The following ASAP3 variants were observed in gnomAD, a reference collection of about 807,000 sequenced individuals.
ASAP3 encodes the protein arf-GAP with SH3 domain, ANK repeat and PH domain-containing protein 3.
ASAP3 carries 85 observed loss-of-function variants against 118.2 expected under a neutral mutation model. The ratio of observed to expected loss-of-function variants is 0.72; its 90% CI spans 0.60 to 0.86. The LOEUF (loss-of-function observed/expected upper bound fraction) is 0.86. Among genes scored for constraint, ASAP3 ranks in the 40% least tolerant of loss-of-function variants. The pLI, the probability that ASAP3 is intolerant of heterozygous loss-of-function variation, is 0.00. For synonymous variants in ASAP3, 432 were observed against 477.4 expected, an observed-to-expected ratio of 0.90 and a Z score of 1.24; for missense variants, 1,026 against 1,175.0, an observed-to-expected ratio of 0.87 and a Z score of 1.85.
intron 5 of ASAP3, among the ~76,000 whole-genome samples, chr1:23,447,170 G>C (rs894720565): frequency 1.3e-5 from 2 of 152,204 alleles, no homozygotes; most frequent in Non-Finnish European, 2.9e-5. Context: ...ACCTGTACCA[G>C]TCCATGGCCC....
intron 5 of ASAP3, among the ~76,000 whole-genome samples, chr1:23,446,520 C>T (rs1641052662): frequency 6.6e-6 from 1 of 151,544 alleles, no homozygotes; most frequent in African/African-American, 2.4e-5. Flanking sequence ...TCACTGCAAC[C>T]TCTGCCTCCC....
chr1:23,453,018 C>T lies in ASAP3; in HGVS notation c.349-247G>A, dbSNP rs1446956969. ...TGCTTAGGATGGCTGACCTGCTGCCCGCCAGGCTTCCTGTGTGAAAGGGGG... is the reference window on the plus strand; with the variant it reads ...TGCTTAGGATGGCTGACCTGCTGCCTGCCAGGCTTCCTGTGTGAAAGGGGG... On this transcript the variant is annotated intron_variant, in intron 3 of 24. Transcript: ENST00000336689. 2.6e-5 allele frequency among the ~76,000 whole-genome samples: 4 copies of T among 152,134 alleles called. No individual in the cohort carries two copies. The East Asian group carries it at 7.8e-4, about 30-fold the overall frequency.
At chr1:23,461,615 C>T (rs528878712) in intron 1 of ASAP3, among the ~76,000 whole-genome samples, 22 of 151,396 alleles carry the variant, frequency 1.5e-4, no homozygotes, top group East Asian at 3.9e-4. Flanking sequence ...GAGCTGTGAT[C>T]GTGCCACTGC....
At chr1:23,447,046 T>C (rs1437763537) in intron 5 of ASAP3, among the ~76,000 whole-genome samples, 1 of 152,212 alleles carries the variant, frequency 6.6e-6, no homozygotes, top group Admixed American at 6.5e-5. Context: ...TTCGTGCTTC[T>C]ATGAAAATCT....
intron 1 of ASAP3, among the ~76,000 whole-genome samples, chr1:23,462,002 A>C (rs1417194771): frequency 6.6e-6 from 1 of 151,978 alleles, no homozygotes; most frequent in Non-Finnish European, 1.5e-5. Context: ...AAGTCACCCG[A>C]ATCACTCACA....
At chr1:23,431,551 G>T in intron 23 of ASAP3, 145 bp downstream of exon 23, 1 of 793,068 alleles carries the variant, frequency 1.3e-6, no homozygotes, top group Non-Finnish European at 1.9e-6. Flanking sequence ...GGGTCCCAGG[G>T]TTCAGCATTT....
intron 24 of ASAP3, 119 bp from the exon 25 acceptor site, chr1:23,430,049 A>T (rs962180778): frequency 1.1e-6 from 1 of 882,494 alleles, no homozygotes; most frequent in Non-Finnish European, 1.7e-6. Context: ...CATTTTACAG[A>T]CAAAGAAACT....
At chr1:23,449,720 A>G (rs1217202521) in intron 5 of ASAP3, among the ~76,000 whole-genome samples, 3 of 152,232 alleles carry the variant, frequency 2.0e-5, no homozygotes, top group African/African-American at 7.2e-5. Context: ...GTTCTAGTCC[A>G]GGTCCTATCG....
intron 5 of ASAP3, among the ~76,000 whole-genome samples, chr1:23,449,418 G>A (rs892831667): frequency 4.6e-5 from 7 of 152,196 alleles, no homozygotes; most frequent in South Asian, 4.1e-4. Context: ...GCAGCCCCAC[G>A]TGGAGAGGTA....
intron 1 of ASAP3, among the ~76,000 whole-genome samples, chr1:23,477,046 T>G (rs1439240126): frequency 6.6e-6 from 1 of 151,568 alleles, no homozygotes; most frequent in Non-Finnish European, 1.5e-5. Context: ...GGACAGAGTC[T>G]TGCTCTGTCG....
Position 23,433,426 on chromosome 1 carries a change from T to G in ASAP3, c.2126A>C (p.Lys709Thr). Residue 709 changes from lysine (K) to threonine (T), a missense_variant and splice_region_variant, in exon 21 of 25, where the codon AAG becomes ACG. Coordinates refer to ENST00000336689, the MANE Select transcript of ASAP3 (RefSeq NM_017707.4). ...GSDSEEDEEEKRCLLKLPAQA... is the reference protein window; with the variant it reads ...GSDSEEDEEETRCLLKLPAQA... ...CTGAGGGACAGGGCTGGGACCCACC[T>G]TCTCTTCCTCATCCTCCTCACTGTC... 3.1e-6 allele frequency: 5 copies of G among 1,614,186 alleles called. No homozygotes were observed. The highest frequency in any genetic ancestry group is 4.2e-6 in the Non-Finnish European group (5 of 1,180,030).
chr1:23,456,670 G>T (rs1266760699), intron 1 of ASAP3, among the ~76,000 whole-genome samples: 1 of 152,138 alleles, frequency 6.6e-6, no homozygotes, highest in Admixed American at 6.5e-5. Flanking sequence ...AAGGCCAGAG[G>T]GGAGAACACA....
intron 1 of ASAP3, among the ~76,000 whole-genome samples, chr1:23,464,659 TAAAAAAAAAAAAAAAAAAAAAA>T (rs57655847): frequency 2.1e-5 from 1 of 47,082 alleles, no homozygotes; most frequent in Admixed American, 3.2e-4. Flanking sequence ...GACACTGTCT[TAAAAAAAAAAAAAAAAAAAAAA>T]AAAAAAAAAA....
At chr1:23,442,006 G>A (rs150117511) in intron 7 of ASAP3, among the ~76,000 whole-genome samples, 180 bp downstream of exon 7, 77 of 152,296 alleles carry the variant, frequency 5.1e-4, no homozygotes, top group African/African-American at 1.8e-3. Context: ...GGAATTGAGC[G>A]AATTGATGTT....
rs776104795 is a variant in ASAP3 at position 23,431,040 on chromosome 1, C to T, written c.2632G>A (p.Val878Met). The T allele has an allele frequency of 2.8e-5, 45 of 1,581,316 alleles. No homozygotes were observed. The highest frequency in any genetic ancestry group is 3.4e-5 in the Non-Finnish European group (40 of 1,165,452). ...CATGGTCCCAGAGTTCCTACCGGCA[C>T]GTTCCTTCTGGGCAGAGGCTGCCTG... Reference protein sequence around the residue: ...SARQPLPRRNVPVGITEGDGS... With the variant: ...SARQPLPRRNMPVGITEGDGS... Residue 878 changes from valine to methionine, a missense_variant, in exon 24 of 25, where the codon GTG (valine) becomes ATG (methionine). By Grantham distance (21) the Val-to-Met change is conservative. Coordinates refer to ENST00000336689, the MANE Select transcript of ASAP3 (RefSeq NM_017707.4).
chr1:23,468,706 C>T (rs939267079), intron 1 of ASAP3, among the ~76,000 whole-genome samples: 130 of 121,374 alleles, frequency 1.1e-3, no homozygotes, highest in Admixed American at 1.5e-3. Flanking sequence ...GAAACCCTAT[C>T]TCTACTAAAA....
intron 11 of ASAP3, 66 bp downstream of exon 11, chr1:23,439,095 T>G: frequency 6.3e-7 from 1 of 1,577,012 alleles, no homozygotes; most frequent in Non-Finnish European, 8.7e-7. Flanking sequence ...TTGACATTAT[T>G]TGCTCAGAAC....
At chr1:23,433,330 C>T (rs1024152509) in intron 21 of ASAP3, 58 bp from the exon 22 acceptor site, 7 of 1,608,772 alleles carry the variant, frequency 4.4e-6, no homozygotes, top group Non-Finnish European at 5.9e-6. Flanking sequence ...GTAGCCCTGT[C>T]CCCCCGCCTC....
At position 23,439,147 on chromosome 1, in the gene ASAP3, C is replaced by A. The variant is rs747844214; in HGVS notation, c.1014+14G>T. 1 of 1,613,868 alleles carries A rather than the reference C, an allele frequency of 6.2e-7. No individual in the cohort carries two copies. The highest frequency in any genetic ancestry group is 2.2e-5 in the East Asian group (1 of 44,890). ...CCATCGTGCCCTGAGACTCCCACCA[C>A]CTCTAGGCCTCACCGTGCTGTGTGA... On this transcript the variant is annotated intron_variant, in intron 11 of 24. Coordinates refer to ENST00000336689, the MANE Select transcript of ASAP3 (RefSeq NM_017707.4).
Sources: gnomAD v4.1 joint callset for allele counts (sites outside exome capture counted in the v4.1 genomes callset) on GRCh38, gnomAD v4.1.1 for gene constraint, MANE v1.5 for transcripts, NCBI Gene and HGNC (gene_info 2026-07-23, HGNC 2026-07-21) for gene names.